The following GMPR variants were observed in gnomAD, a reference collection of about 807,000 sequenced individuals.
GMPR encodes guanosine monophosphate reductase.
A neutral mutation model predicts 38.4 loss-of-function variants in GMPR; 31 were observed. That is an observed-to-expected ratio of 0.81 (90% CI 0.61 to 1.09). GMPR has a LOEUF of 1.09. Ranked by LOEUF, GMPR falls within the 50% of genes least tolerant of loss-of-function variation. The pLI, the probability that GMPR is intolerant of heterozygous loss-of-function variation, is 0.00. For synonymous variants in GMPR, 162 were observed against 173.3 expected (o/e 0.93, Z 0.51); for missense variants, 468 against 453.7 (o/e 1.03, Z -0.29).
chr6:16,248,996 T>G (rs1238758976), intron 2 of GMPR, among the ~76,000 whole-genome samples: 2 of 152,116 alleles, frequency 1.3e-5, no homozygotes, highest in Non-Finnish European at 2.9e-5. Flanking sequence ...CACAAGTTAC[T>G]AAAGTCATAG....
chr6:16,278,357 G>T (rs1759515317), intron 5 of GMPR, among the ~76,000 whole-genome samples: 1 of 152,174 alleles, frequency 6.6e-6, no homozygotes, highest in African/African-American at 2.4e-5. Flanking sequence ...ATTTGACAAA[G>T]GTTGAAGGTA....
Position 16,278,826 on chromosome 6 carries a change from C to A in GMPR, c.590C>A (p.Pro197His). ...CGCACCAAGACGGGAGTGGGGTACCCCCAGCTGAGTGCCGTCATTGAGTGT... is the reference window on the plus strand; with the variant it reads ...CGCACCAAGACGGGAGTGGGGTACCACCAGCTGAGTGCCGTCATTGAGTGT... Reference protein sequence around the residue: ...TTRTKTGVGYPQLSAVIECAD... With the variant: ...TTRTKTGVGYHQLSAVIECAD... The change falls in exon 6 of 9, where the codon CCC (proline) becomes CAC (histidine). Residue 197 changes from proline (P) to histidine (H), a missense_variant. Physicochemically the swap from Pro to His is moderately conservative, Grantham distance 77. Coordinates refer to ENST00000259727, the MANE Select transcript of GMPR (RefSeq NM_006877.4). The A allele has an allele frequency of 6.2e-7, 1 of 1,614,138 alleles. No homozygotes were observed. The highest frequency in any genetic ancestry group is 8.5e-7 in the Non-Finnish European group (1 of 1,179,972).
intron 1 of GMPR, among the ~76,000 whole-genome samples, chr6:16,243,345 C>T (rs1190493671): frequency 6.6e-6 from 1 of 152,166 alleles, no homozygotes; most frequent in Non-Finnish European, 1.5e-5. Context: ...TTGTGGAACC[C>T]TGCGGCTCTC....
intron 7 of GMPR, among the ~76,000 whole-genome samples, chr6:16,288,537 C>G (rs1415982630): frequency 6.6e-6 from 1 of 152,228 alleles, no homozygotes; most frequent in Non-Finnish European, 1.5e-5. Flanking sequence ...TGAGCTTCCC[C>G]GCCCCCTCCA....
At chr6:16,270,229 T>C (rs1759356021) in intron 4 of GMPR, among the ~76,000 whole-genome samples, 1 of 152,210 alleles carries the variant, frequency 6.6e-6, no homozygotes, top group Non-Finnish European at 1.5e-5. Flanking sequence ...TTCCAGAGCA[T>C]GGGGGAGCCC....
At chr6:16,288,196 C>T (rs1443811992) in intron 7 of GMPR, among the ~76,000 whole-genome samples, 2 of 152,250 alleles carry the variant, frequency 1.3e-5, no homozygotes, top group African/African-American at 4.8e-5. Flanking sequence ...CTCTGGGAGC[C>T]CCTTTCTGAG....
At chr6:16,245,493 A>C (rs1758734491) in intron 1 of GMPR, among the ~76,000 whole-genome samples, 1 of 152,232 alleles carries the variant, frequency 6.6e-6, no homozygotes, top group Non-Finnish European at 1.5e-5. Flanking sequence ...TTGCTGGTGT[A>C]ATTCATGAAG....
At chr6:16,263,863 C>A (rs1352576012) in intron 4 of GMPR, among the ~76,000 whole-genome samples, 1 of 151,270 alleles carries the variant, frequency 6.6e-6, no homozygotes, top group East Asian at 2.0e-4. Context: ...GATTGGGGCA[C>A]AGAGATATAA....
chr6:16,294,062 G>C (rs1216374679), intron 8 of GMPR, among the ~76,000 whole-genome samples: 1 of 152,188 alleles, frequency 6.6e-6, no homozygotes, highest in Non-Finnish European at 1.5e-5. Flanking sequence ...ATCAAGCAGT[G>C]TTACCTGGTG....
chr6:16,279,314 C>T (rs752592773), intron 6 of GMPR, among the ~76,000 whole-genome samples: 5 of 152,188 alleles, frequency 3.3e-5, no homozygotes, highest in African/African-American at 1.2e-4. Context: ...TTGCAGGCCT[C>T]TCTGTGACCT....
At chr6:16,267,894 A>G (rs1371551412) in intron 4 of GMPR, among the ~76,000 whole-genome samples, 1 of 152,222 alleles carries the variant, frequency 6.6e-6, no homozygotes, top group Admixed American at 6.5e-5. Flanking sequence ...CTGGATCTCC[A>G]GGGCGGGACC....
chr6:16,283,070 A>G (rs1187339274), intron 6 of GMPR, among the ~76,000 whole-genome samples: 1 of 152,132 alleles, frequency 6.6e-6, no homozygotes, highest in African/African-American at 2.4e-5. Context: ...CAGCCTCCCA[A>G]AGTGCTGGGA....
intron 4 of GMPR, among the ~76,000 whole-genome samples, chr6:16,257,495 T>C (rs1434045132): frequency 6.6e-6 from 1 of 152,240 alleles, no homozygotes; most frequent in Non-Finnish European, 1.5e-5. Context: ...TAATCTTTAA[T>C]ATCATTTCCT....
At chr6:16,245,845 G>A (rs1241530317) in intron 1 of GMPR, among the ~76,000 whole-genome samples, 2 of 152,178 alleles carry the variant, frequency 1.3e-5, no homozygotes, top group African/African-American at 2.4e-5. Flanking sequence ...CTCTCTGGTC[G>A]GAGGATCCAG....
intron 4 of GMPR, among the ~76,000 whole-genome samples, chr6:16,265,361 A>G (rs1759172879): frequency 6.6e-6 from 1 of 152,216 alleles, no homozygotes; most frequent in Admixed American, 6.5e-5. Context: ...GGGTTACACC[A>G]CTAGTGAGAG....
chr6:16,292,537 G>A (rs1436020716), intron 8 of GMPR, among the ~76,000 whole-genome samples: 1 of 152,164 alleles, frequency 6.6e-6, no homozygotes, highest in Non-Finnish European at 1.5e-5. Context: ...AGCGGTCCCT[G>A]ATAGAGGAGG....
chr6:16,250,374 C>G lies in GMPR; in HGVS notation c.291+7C>G, dbSNP rs1315850721. On this transcript the variant is annotated splice_region_variant and intron_variant, in intron 3 of 8. Coordinates refer to ENST00000259727, the MANE Select transcript of GMPR (RefSeq NM_006877.4). Reference sequence around the variant, plus strand: ...TCACCCAGAATGCCTGCAGGTACGACTACAGCCTGGTTATCAATTACCAGT... The same window carrying G: ...TCACCCAGAATGCCTGCAGGTACGAGTACAGCCTGGTTATCAATTACCAGT... 2 of 1,544,510 alleles carry G rather than the reference C, an allele frequency of 1.3e-6. No individual in the cohort carries two copies. The highest frequency in any genetic ancestry group is 2.7e-5 in the African/African-American group (2 of 73,604).
intron 6 of GMPR, among the ~76,000 whole-genome samples, chr6:16,285,333 C>G (rs899579793): frequency 2.0e-5 from 3 of 152,226 alleles, no homozygotes; most frequent in Non-Finnish European, 2.9e-5. Context: ...TTGGCTCTTA[C>G]AAGAATTCAA....
intron 5 of GMPR, 44 bp from the exon 6 acceptor site, chr6:16,278,737 TCTC>T (rs1168639046): frequency 7.8e-7 from 1 of 1,277,182 alleles, no homozygotes; most frequent in Admixed American, 1.7e-5. Context: ...GTCACAGTCT[TCTC>T]ATGTATAACC....
Sources: gnomAD v4.1 joint callset for allele counts (sites outside exome capture counted in the v4.1 genomes callset) on GRCh38, gnomAD v4.1.1 for gene constraint, MANE v1.5 for transcripts, NCBI Gene and HGNC (gene_info 2026-07-23, HGNC 2026-07-21) for gene names.